LRRC7: variants seen among roughly 807,000 people sequenced by gnomAD.
LRRC7 encodes the protein leucine-rich repeat-containing protein 7.
Under a neutral mutation model 175.7 loss-of-function variants are expected in LRRC7, and 23 were observed. The ratio of observed to expected loss-of-function variants is 0.13; its 90% CI spans 0.09 to 0.19. The LOEUF (loss-of-function observed/expected upper bound fraction) is 0.19, where lower values mean the gene tolerates loss of function less well. LRRC7 is among the 10% of genes least tolerant of loss of function. The pLI is 1.00. For synonymous variants in LRRC7, 685 were observed against 680.9 expected (o/e 1.01, Z -0.09); for missense variants, 1,354 against 1,904.7 (o/e 0.71, Z 5.38).
chr1:69,770,231 C>T (rs1252243298), intron 3 of LRRC7, among the ~76,000 whole-genome samples: 2 of 152,088 alleles, frequency 1.3e-5, no homozygotes, highest in Admixed American at 1.3e-4. Context: ...ATCTGACAAG[C>T]AAAATAAACA....
chr1:69,670,708 G>T (rs781549040), intron 1 of LRRC7, among the ~76,000 whole-genome samples: 22 of 152,128 alleles, frequency 1.4e-4, no homozygotes, highest in Non-Finnish European at 2.8e-4. Flanking sequence ...TAGGTGAGCT[G>T]GCAGTCAAAC....
intron 2 of LRRC7, among the ~76,000 whole-genome samples, chr1:69,708,509 T>C (rs1740908): frequency 0.44 from 66,853 of 152,036 alleles, 14,959 homozygotes; most frequent in Admixed American, 0.5. Flanking sequence ...TACCACCTCA[T>C]TGAGGTCTTT....
intron 1 of LRRC7, among the ~76,000 whole-genome samples, chr1:69,627,168 G>C (rs1651721756): frequency 6.6e-6 from 1 of 152,124 alleles, no homozygotes; most frequent in Admixed American, 6.5e-5. Context: ...CATAATGGTT[G>C]AACTAGTTTA....
Position 69,712,235 on chromosome 1 carries a change from AACAC to A in LRRC7, c.100+33780_100+33783del, listed in dbSNP as rs57948269. Among the ~76,000 whole-genome samples the A allele has an allele frequency of 2.2e-3, 335 of 150,646 alleles. 3 individuals carry two copies. The highest frequency in any genetic ancestry group is 5.2e-3 in the African/African-American group (212 of 41,032). On this transcript the variant is annotated intron_variant, in intron 2 of 26. Transcript: ENST00000651989. ...GGACAGTGGTAGCACTGAGAAAAAGAACACACACACACACACACACACACACGTG... is the reference window on the plus strand; with the variant it reads ...GGACAGTGGTAGCACTGAGAAAAAGAACACACACACACACACACACACGTG...
At chr1:69,729,232 G>A (rs1360336662) in intron 2 of LRRC7, among the ~76,000 whole-genome samples, 1 of 151,970 alleles carries the variant, frequency 6.6e-6, no homozygotes. Flanking sequence ...TTCTACCCTG[G>A]CCTCTTCCAA....
At chr1:69,781,690 A>AGAAAG in intron 3 of LRRC7, among the ~76,000 whole-genome samples, 1 of 27,238 alleles carries the variant, frequency 3.7e-5, no homozygotes, top group African/African-American at 2.2e-4. Flanking sequence ...AAAAAAAAGA[A>AGAAAG]GAAAGAAAGA....
intron 25 of LRRC7, among the ~76,000 whole-genome samples, chr1:70,094,656 A>G (rs1664262257): frequency 6.6e-6 from 1 of 152,162 alleles, no homozygotes; most frequent in South Asian, 2.1e-4. Context: ...ATCAAATAAA[A>G]GTTTTTACAT....
At chr1:69,726,008 A>G (rs1666938889) in intron 2 of LRRC7, among the ~76,000 whole-genome samples, 1 of 152,256 alleles carries the variant, frequency 6.6e-6, no homozygotes, top group Non-Finnish European at 1.5e-5. Flanking sequence ...TAGTTGTTTA[A>G]ACTAAAGCTA....
At chr1:69,691,142 T>C (rs1411186399) in intron 2 of LRRC7, among the ~76,000 whole-genome samples, 1 of 152,164 alleles carries the variant, frequency 6.6e-6, no homozygotes, top group Non-Finnish European at 1.5e-5. Context: ...GGGAAGCAGG[T>C]CAGAGGGCAA....
In LRRC7 at chr1:70,082,527, G is replaced by A. The variant is rs543839776; in HGVS notation, c.4452+6229G>A. On this transcript the variant is annotated intron_variant, in intron 24 of 26. Coordinates refer to ENST00000651989, the MANE Select transcript of LRRC7 (RefSeq NM_001370785.2). ...CTTTATAAGTTGTGTGCAGTCATAT[G>A]GTAGAATGCAGTAAACATTGCAGTG... Among the ~76,000 whole-genome samples, 221 of 152,098 alleles carry A rather than the reference G, an allele frequency of 1.5e-3. 1 individual carries two copies. The highest frequency in any genetic ancestry group is 2.4e-3 in the Non-Finnish European group (166 of 67,968).
intron 7 of LRRC7, among the ~76,000 whole-genome samples, chr1:69,864,797 T>A (rs1684733680): frequency 6.6e-6 from 1 of 152,074 alleles, no homozygotes; most frequent in African/African-American, 2.4e-5. Context: ...ACAAGCAGAG[T>A]CAATACCCTA....
intron 4 of LRRC7, among the ~76,000 whole-genome samples, chr1:69,808,825 C>T (rs573834427): frequency 1.6e-4 from 24 of 151,992 alleles, no homozygotes; most frequent in African/African-American, 4.8e-4. Context: ...GTTCTAAAAT[C>T]GACACCCTAA....
chr1:69,702,895 A>T (rs1247046383), intron 2 of LRRC7, among the ~76,000 whole-genome samples: 1 of 152,124 alleles, frequency 6.6e-6, no homozygotes, highest in Non-Finnish European at 1.5e-5. Flanking sequence ...AATCAATAGC[A>T]GTCAGGAAAG....
At chr1:70,002,206 G>A (rs1031417103) in intron 11 of LRRC7, among the ~76,000 whole-genome samples, 1 of 152,124 alleles carries the variant, frequency 6.6e-6, no homozygotes, top group Non-Finnish European at 1.5e-5. Flanking sequence ...TTCATAGAGT[G>A]TGGTCAAACA....
intron 1 of LRRC7, among the ~76,000 whole-genome samples, chr1:69,660,924 G>A (rs800930): frequency 0.11 from 16,299 of 151,950 alleles, 1,063 homozygotes; most frequent in African/African-American, 0.19. Context: ...GGCTGTACAC[G>A]TATGCTCTAA....
At chr1:70,012,007 T>C (rs1324309108) in intron 12 of LRRC7, 81 bp downstream of exon 12, 1 of 925,188 alleles carries the variant, frequency 1.1e-6, no homozygotes, top group African/African-American at 1.7e-5. Flanking sequence ...AGAATAGCAA[T>C]GTAGATTCAT....
Position 69,629,315 on chromosome 1 carries a change from T to C in LRRC7, c.3-49066T>C, listed in dbSNP as rs369523917. On this transcript the variant is annotated intron_variant, in intron 1 of 26. Transcript: ENST00000651989. ...CAAAAGATGTGGACAGATACCACTTTGGCAACTTTTTTAGTTGAATAGAGA... is the reference window on the plus strand; with the variant it reads ...CAAAAGATGTGGACAGATACCACTTCGGCAACTTTTTTAGTTGAATAGAGA... Among the ~76,000 whole-genome samples the C allele has an allele frequency of 3.9e-5, 6 of 152,178 alleles. No individual in the cohort carries two copies. The East Asian group carries it at 7.7e-4, about 20-fold the overall frequency.
At chr1:70,062,000 AG>A (rs1467126225) in intron 23 of LRRC7, among the ~76,000 whole-genome samples, 1 of 152,206 alleles carries the variant, frequency 6.6e-6, no homozygotes, top group Admixed American at 6.5e-5. Flanking sequence ...AAGGAGAGGT[AG>A]GTAGATGAAA....
intron 7 of LRRC7, among the ~76,000 whole-genome samples, chr1:69,857,367 A>C (rs1159995283): frequency 3.9e-5 from 6 of 152,172 alleles, no homozygotes; most frequent in Non-Finnish European, 8.8e-5. Context: ...AGAAAACCCC[A>C]TTGTCTCAGC....
Sources: allele counts gnomAD v4.1 joint callset (sites outside exome capture counted in the v4.1 genomes callset), GRCh38; gene constraint gnomAD v4.1.1; transcripts MANE v1.5; gene names NCBI Gene and HGNC (gene_info 2026-07-23, HGNC 2026-07-21).